Variants in NAB2 observed in about 807,000 individuals in gnomAD.
NAB2 encodes the protein NGFI-A-binding protein 2.
A neutral mutation model predicts 44.2 loss-of-function variants in NAB2; 9 were observed. The observed-to-expected ratio is 0.20, with a 90% CI of 0.12 to 0.36. The LOEUF is 0.36. Ranked by LOEUF, NAB2 falls within the 10% of genes least tolerant of loss-of-function variation. The pLI, the probability that NAB2 is intolerant of heterozygous loss-of-function variation, is 1.00. For synonymous variants in NAB2, 342 were observed against 291.0 expected (o/e 1.18, Z -1.78); for missense variants, 514 against 709.0 (o/e 0.73, Z 3.12).
chr12:57,094,533 GC>G, intron 6 of NAB2, 78 bp from the exon 7 acceptor site: 1 of 1,139,994 alleles, frequency 8.8e-7, no homozygotes. Flanking sequence ...AGCTTTCTTT[GC>G]CCCTGCTTCT....
At position 57,093,121 on chromosome 12, in the gene NAB2, T is replaced by A; in HGVS notation, c.1202T>A (p.Val401Glu). The change falls in exon 5 of 7, where the codon GTA becomes GAA. Residue 401 changes from valine (V) to glutamate (E), a missense_variant. Physicochemically the swap from Val to Glu is moderately radical, Grantham distance 121 (BLOSUM62 -2). Around this residue, in one of 5 missense-constraint regions of NAB2, gnomAD observed 194 missense variants for 223.9 expected, o/e 0.87. Coordinates refer to ENST00000300131, the MANE Select transcript of NAB2 (RefSeq NM_005967.4). ...CCTCCCCCAGGCCCTGAGTCCTATGTACCCCCATACCGCCCCAGCCTGGAG... is the reference window on the plus strand; with the variant it reads ...CCTCCCCCAGGCCCTGAGTCCTATGAACCCCCATACCGCCCCAGCCTGGAG... Reference protein sequence around the residue: ...QQPPPGPESYVPPYRPSLEED... With the variant: ...QQPPPGPESYEPPYRPSLEED... 6.2e-7 allele frequency: 1 copy of A among 1,613,720 alleles called. No homozygotes were observed. The highest frequency in any genetic ancestry group is 8.5e-7 in the Non-Finnish European group (1 of 1,179,782).
chr12:57,094,426 G>A (rs1023626250), intron 6 of NAB2, among the ~76,000 whole-genome samples, 186 bp from the exon 7 acceptor site: 15 of 152,038 alleles, frequency 9.9e-5, no homozygotes, highest in Non-Finnish European at 1.6e-4. Context: ...CAGCCAGGGA[G>A]GGGAGGGGGC....
intron 3 of NAB2, 78 bp from the exon 4 acceptor site, chr12:57,092,839 C>G: frequency 6.5e-7 from 1 of 1,546,038 alleles, no homozygotes; most frequent in Non-Finnish European, 8.9e-7. Context: ...TAACACATGC[C>G]TCTGGCTGGG....
chr12:57,094,141 G>A (rs2033272931), intron 6 of NAB2, among the ~76,000 whole-genome samples: 1 of 151,868 alleles, frequency 6.6e-6, no homozygotes. Flanking sequence ...GGCGGGGACT[G>A]GAAGGGGGGC....
At position 57,091,933 on chromosome 12, in the gene NAB2, T is replaced by C. The variant is rs756414831; in HGVS notation, c.892T>C (p.Tyr298His). The change falls in exon 2 of 7, where the codon TAC becomes CAC. Residue 298 changes from tyrosine to histidine, a missense_variant. Coordinates refer to ENST00000300131, the MANE Select transcript of NAB2 (RefSeq NM_005967.4). The surrounding 1 kb of genome is among the most constrained non-coding windows in gnomAD (Gnocchi z 7.3). ...CCAGAAGGAAGAGGAGATCCGCAAA[T>C]ACAGCATCATCTATGGCCGTTTCGA... ...DSQKEEEIRKYSIIYGRFDSK... is the reference protein window; with the variant it reads ...DSQKEEEIRKHSIIYGRFDSK... 5 of 1,613,990 alleles carry C rather than the reference T, an allele frequency of 3.1e-6. No individual in the cohort carries two copies. The South Asian group carries it at 5.5e-5, about 18-fold the overall frequency.
rs187564282 is a variant in NAB2 at position 57,089,986 on chromosome 12, T to A, written c.83+632T>A. ...CTGGGCGGTTTTCGCCTACAGACGC[T>A]ACCACTGTGGGAGTGTGTGTGGGCG... On this transcript the variant is annotated intron_variant, in intron 1 of 6. Transcript: ENST00000300131. Among the ~76,000 whole-genome samples the A allele has an allele frequency of 1.7e-3, 258 of 152,296 alleles. 1 individual carries two copies. Among genetic ancestry groups the A allele is most frequent in the African/African-American group, 5.9e-3 (247 of 41,556 alleles).
At chr12:57,093,006 C>A (rs772892692) in intron 4 of NAB2, 38 bp downstream of exon 4, 4 of 1,614,176 alleles carry the variant, frequency 2.5e-6, no homozygotes, top group Non-Finnish European at 3.4e-6. Context: ...CACTGGGCAG[C>A]CTTCCCCAAT....
At position 57,091,642 on chromosome 12, in the gene NAB2, G is replaced by C. The variant is rs1238599251; in HGVS notation, c.601G>C (p.Glu201Gln). Reference protein sequence around the residue: ...PESDVGAGGEEEAGSPPFSPP... With the variant: ...PESDVGAGGEQEAGSPPFSPP... ...GTCGGACGTTGGGGCAGGAGGAGAAGAGGAGGCTGGCTCGCCCCCCTTCTC... is the reference window on the plus strand; with the variant it reads ...GTCGGACGTTGGGGCAGGAGGAGAACAGGAGGCTGGCTCGCCCCCCTTCTC... The change falls in exon 2 of 7, where the codon GAG (glutamate) becomes CAG (glutamine). Residue 201 changes from glutamate (E) to glutamine (Q), a missense_variant. Physicochemically the swap from Glu to Gln is conservative, Grantham distance 29. Transcript: ENST00000300131. This position sits in a 1 kb window ranked among gnomAD's most constrained non-coding sequence, Gnocchi z 7.3. 6.2e-7 allele frequency: 1 copy of C among 1,607,918 alleles called. No individual in the cohort carries two copies. Among genetic ancestry groups the C allele is most frequent in the South Asian group, 1.1e-5 (1 of 90,468 alleles).
chr12:57,092,863 C>G, intron 3 of NAB2, 54 bp from the exon 4 acceptor site: 1 of 1,597,536 alleles, frequency 6.3e-7, no homozygotes, highest in Non-Finnish European at 8.6e-7. Flanking sequence ...TGTGCTCTGC[C>G]AGTCGAGTGG....
chr12:57,089,782 G>C (rs2033141787), intron 1 of NAB2, among the ~76,000 whole-genome samples: 1 of 151,066 alleles, frequency 6.6e-6, no homozygotes, highest in African/African-American at 2.4e-5. Context: ...GGGGAAAGGG[G>C]GGGTGACGAG....
rs1032470694 is a variant in NAB2, at chr12:57,091,901, A to G, written c.860A>G (p.Asn287Ser). The change falls in exon 2 of 7, where the codon AAT becomes AGT. Residue 287 changes from asparagine (N) to serine (S), a missense_variant. This residue lies in a region of NAB2 where 53 missense variants were observed against 108.5 expected (regional missense o/e 0.49). Transcript: ENST00000300131. This position sits in a 1 kb window ranked among gnomAD's most constrained non-coding sequence, Gnocchi z 7.3. ...GGGCACATCTTTGAGATGGATGATA[A>G]TGACAGCCAGAAGGAAGAGGAGATC... ...SVGHIFEMDD[N>S]DSQKEEEIRK... is the part of the protein sequence containing the mutation. The G allele has an allele frequency of 1.2e-6, 2 of 1,614,150 alleles. No homozygotes were observed. The highest frequency in any genetic ancestry group is 2.7e-5 in the African/African-American group (2 of 75,026).
rs1036440498 is a variant in NAB2, at chr12:57,095,226, C to G, written c.*505C>G. ...TCTTTAATTAATTTAACAAGTGCTG[C>G]AGTTTGCCCTCCCATTCCCATCTAT... On this transcript the variant is annotated 3_prime_UTR_variant, in exon 7 of 7. Coordinates refer to ENST00000300131, the MANE Select transcript of NAB2 (RefSeq NM_005967.4). 1 of 155,160 alleles carries G rather than the reference C, an allele frequency of 6.4e-6. No individual in the cohort carries two copies. Among genetic ancestry groups the G allele is most frequent in the African/African-American group, 2.4e-5 (1 of 41,464 alleles). The allele number at this position is 155,160 out of a possible 1,614,324, so 9.6% of individuals were successfully genotyped here.
Position 57,089,876 on chromosome 12 carries a change from C to T in NAB2, c.83+522C>T, listed in dbSNP as rs79387581. 6.5e-3 allele frequency among the ~76,000 whole-genome samples: 989 copies of T among 152,294 alleles called. 4 individuals carry two copies. The highest frequency in any genetic ancestry group is 0.011 in the Non-Finnish European group (735 of 68,020). ...GGAGGGGAGTTTCAGTGTGCAGCCC[C>T]TTCATCAAGAGGCCTTGAGCCGCTC... On this transcript the variant is annotated intron_variant, in intron 1 of 6. Coordinates refer to ENST00000300131, the MANE Select transcript of NAB2 (RefSeq NM_005967.4).
chr12:57,089,171 C>T lies in NAB2; in HGVS notation c.-101C>T, dbSNP rs903588784. 2.0e-5 allele frequency: 25 copies of T among 1,235,312 alleles called. No individual in the cohort carries two copies. In the East Asian group the frequency reaches 3.1e-4, roughly 15 times the overall value. The allele number at this position is 1,235,312 out of a possible 1,614,324, so 76.5% of individuals were successfully genotyped here. On this transcript the variant is annotated 5_prime_UTR_variant, in exon 1 of 7. Coordinates refer to ENST00000300131, the MANE Select transcript of NAB2 (RefSeq NM_005967.4). ...CGTGGAGGGAGGGACAGAGCCTGGACAGCGGTGGACACGGCATCGTGCGCG... is the reference window on the plus strand; with the variant it reads ...CGTGGAGGGAGGGACAGAGCCTGGATAGCGGTGGACACGGCATCGTGCGCG...
At chr12:57,092,838 C>T (rs1393081795) in intron 3 of NAB2, 79 bp from the exon 4 acceptor site, 11 of 1,537,752 alleles carry the variant, frequency 7.2e-6, no homozygotes, top group African/African-American at 2.7e-5. Context: ...ATAACACATG[C>T]CTCTGGCTGG....
chr12:57,089,672 G>T (rs1460361133), intron 1 of NAB2, among the ~76,000 whole-genome samples: 1 of 152,060 alleles, frequency 6.6e-6, no homozygotes, highest in Non-Finnish European at 1.5e-5. Flanking sequence ...GCTCGAGCTG[G>T]CATCAGTGCG....
At chr12:57,092,315 A>G (rs2033208712) in intron 2 of NAB2, 133 bp from the exon 3 acceptor site, 1 of 1,334,122 alleles carries the variant, frequency 7.5e-7, no homozygotes, top group South Asian at 1.4e-5. Context: ...GAAAGCTCCC[A>G]TGTAGTGTCA....
rs929171859 is a variant in NAB2 at position 57,092,519 on chromosome 12, C to T, written c.1029C>T (p.Leu343=). ...CGCTCTTATTACGGAGAGTGGAGCT[C>T]TTCTCTTTGTCCCGCCAAGTAGCCC... is the stretch of plus-strand genomic sequence containing the variant. The part of the protein sequence containing the change: ...DNTLLLRRVE[L]FSLSRQVARE... Residue 343 remains leucine, a synonymous_variant, in exon 3 of 7, where the codon CTC becomes CTT. Transcript: ENST00000300131. The T allele has an allele frequency of 8.7e-6, 14 of 1,614,088 alleles. No homozygotes were observed. The highest frequency in any genetic ancestry group is 1.2e-5 in the Non-Finnish European group (14 of 1,180,044).
chr12:57,091,831 G>C lies in NAB2; in HGVS notation c.790G>C (p.Val264Leu). The C allele has an allele frequency of 1.2e-6, 2 of 1,614,206 alleles. No individual in the cohort carries two copies. Among genetic ancestry groups the C allele is most frequent in the South Asian group, 2.2e-5 (2 of 91,084 alleles). ...CTTCCCAAGGGGGGATGCTGGGGAG[G>C]TCACATCCCTGCTAAAGCTGAATAA... ...RSFPRGDAGE[V>L]TSLLKLNKKL... The change falls in exon 2 of 7, where the codon GTC becomes CTC. Residue 264 changes from valine (V) to leucine (L), a missense_variant. Coordinates refer to ENST00000300131, the MANE Select transcript of NAB2 (RefSeq NM_005967.4). The surrounding 1 kb of genome is among the most constrained non-coding windows in gnomAD (Gnocchi z 7.3).
Sources: allele counts gnomAD v4.1 joint callset (sites outside exome capture counted in the v4.1 genomes callset), GRCh38; gene constraint gnomAD v4.1.1; regional missense constraint gnomAD v4.1.1; non-coding constraint Gnocchi (gnomAD v3.1); transcripts MANE v1.5; gene names NCBI Gene and HGNC (gene_info 2026-07-23, HGNC 2026-07-21).